NMI: variants seen among roughly 807,000 people sequenced by gnomAD.
NMI encodes the protein N-myc-interactor.
In NMI, 39 loss-of-function variants were observed where a neutral mutation model predicts 34.3. The ratio of observed to expected loss-of-function variants is 1.14; its 90% CI spans 0.88 to 1.49. The LOEUF is 1.49. Ranked by LOEUF, NMI falls within the 40% of genes most tolerant of loss-of-function variation. The probability of loss-of-function intolerance (pLI) is 0.00; values close to 1 mark genes in which losing one functional copy is unlikely to be tolerated. For synonymous variants in NMI, 113 were observed against 120.3 expected, an observed-to-expected ratio of 0.94 and a Z score of 0.40; for missense variants, 339 against 358.1, an observed-to-expected ratio of 0.95 and a Z score of 0.43.
intron 1 of NMI, among the ~76,000 whole-genome samples, chr2:151,287,777 T>G (rs531618745): frequency 6.6e-6 from 1 of 152,308 alleles, no homozygotes; most frequent in East Asian, 1.9e-4. Context: ...CCTGCAGACA[T>G]TCAGAGCACT....
Position 151,270,837 on chromosome 2 carries a change from T to A in NMI, c.780A>T (p.Thr260=), listed in dbSNP as rs750580488. 6.2e-7 allele frequency: 1 copy of A among 1,613,884 alleles called. No individual in the cohort carries two copies. The highest frequency in any genetic ancestry group is 1.1e-5 in the South Asian group (1 of 91,070). The stretch of plus-strand genomic sequence containing the variant: ...CATCCATTTGAATGCCTTCCATTCC[T>A]GTCAGAAGCACTGTCCTCTTAGATG... ...SGTSKRTVLL[T]GMEGIQMDEE... Residue 260 remains threonine, a synonymous_variant, in exon 8 of 8, where the codon ACA becomes ACT. Transcript: ENST00000243346.
At position 151,282,921 on chromosome 2, in the gene NMI, G is replaced by T; in HGVS notation, c.28C>A (p.Gln10Lys). The T allele has an allele frequency of 6.5e-7, 1 of 1,531,900 alleles. No individual in the cohort carries two copies. The highest frequency in any genetic ancestry group is 1.4e-5 in the African/African-American group (1 of 72,568). 94.9% of individuals were successfully genotyped at this position (1,531,900 alleles called of 1,614,324 possible). MEADKDDTQ[Q>K]ILKEHSPDEF... is the part of the protein sequence containing the mutation. ...TCTGGCGAATGCTCCTTAAGAATTT[G>T]TTGTGTGTCATCTTTATCAGCTTCC... is the stretch of plus-strand genomic sequence containing the variant. Residue 10 changes from glutamine (Q) to lysine (K), a missense_variant, in exon 2 of 8, where the codon CAA (glutamine) becomes AAA (lysine). Gln to Lys is a moderately conservative substitution (Grantham distance 53). Transcript: ENST00000243346.
intron 6 of NMI, 84 bp from the exon 7 acceptor site, chr2:151,271,816 A>G (rs942064312): frequency 1.5e-6 from 1 of 683,882 alleles, no homozygotes; most frequent in Non-Finnish European, 2.6e-6. Flanking sequence ...CAAAGAGAAC[A>G]CTATTACAGT....
intron 6 of NMI, among the ~76,000 whole-genome samples, chr2:151,273,090 T>C (rs1317498539): frequency 1.3e-5 from 2 of 149,974 alleles, no homozygotes; most frequent in African/African-American, 2.4e-5. Context: ...TGGTAAATTT[T>C]ATGTTATATA....
At chr2:151,280,095 T>C (rs781688519) in intron 3 of NMI, among the ~76,000 whole-genome samples, 1 of 151,074 alleles carries the variant, frequency 6.6e-6, no homozygotes, top group Non-Finnish European at 1.5e-5. Context: ...TTCAGGAGGC[T>C]GAGGCAGGAG....
In NMI at chr2:151,278,971, T is replaced by C. The variant is rs936420266; in HGVS notation, c.197A>G (p.Glu66Gly). ...KEFQIKEDIP[E>G]TKMKFLSVET... is the part of the protein sequence containing the mutation. ...AACTGATAAGAATTTCATCTTTGTT[T>C]CAGGAATATCCTCTTTAATCTAATC... The change falls in exon 4 of 8, where the codon GAA (glutamate) becomes GGA (glycine). Residue 66 changes from glutamate (E) to glycine (G), a missense_variant. Physicochemically the swap from Glu to Gly is moderately conservative, Grantham distance 98. Transcript: ENST00000243346. 24 of 1,606,354 alleles carry C rather than the reference T, an allele frequency of 1.5e-5. No homozygotes were observed. The highest frequency in any genetic ancestry group is 3.3e-4 in the Middle Eastern group (2 of 6,044).
At chr2:151,272,459 C>G (rs1482937770) in intron 6 of NMI, among the ~76,000 whole-genome samples, 2 of 151,998 alleles carry the variant, frequency 1.3e-5, no homozygotes, top group Non-Finnish European at 2.9e-5. Flanking sequence ...AATTGAAACC[C>G]TGAGGCAATG....
In NMI at chr2:151,270,843, A is replaced by C. The variant is rs1165713584; in HGVS notation, c.774T>G (p.Leu258=). 2 of 1,613,660 alleles carry C rather than the reference A, an allele frequency of 1.2e-6. No homozygotes were observed. Among genetic ancestry groups the C allele is most frequent in the African/African-American group, 2.7e-5 (2 of 74,924 alleles). The change falls in exon 8 of 8, where the codon CTT becomes CTG. Residue 258 remains leucine (L), a synonymous_variant. Coordinates refer to ENST00000243346, the MANE Select transcript of NMI (RefSeq NM_004688.3). ...IFSGTSKRTV[L]LTGMEGIQMD... ...TTTGAATGCCTTCCATTCCTGTCAG[A>C]AGCACTGTCCTCTTAGATGTTCCTG...
intron 4 of NMI, chr2:151,277,244 T>C (rs1683307589): frequency 6.6e-6 from 1 of 152,276 alleles, no homozygotes; most frequent in South Asian, 2.1e-4. Context: ...ATGATGGTTT[T>C]TTGTTTTTTT....
At chr2:151,273,272 G>A (rs886755530) in intron 6 of NMI, among the ~76,000 whole-genome samples, 4 of 152,144 alleles carry the variant, frequency 2.6e-5, no homozygotes, top group African/African-American at 9.7e-5. Flanking sequence ...TACCTACCCT[G>A]TAGATTATTG....
intron 1 of NMI, among the ~76,000 whole-genome samples, chr2:151,287,004 A>G (rs540100853): frequency 6.6e-6 from 1 of 152,234 alleles, no homozygotes; most frequent in Admixed American, 6.5e-5. Flanking sequence ...TACACTATCC[A>G]AGACACTATC....
At chr2:151,280,568 T>C (rs1683379357) in intron 3 of NMI, among the ~76,000 whole-genome samples, 1 of 152,182 alleles carries the variant, frequency 6.6e-6, no homozygotes, top group Admixed American at 6.5e-5. Flanking sequence ...GTGAGAAAGC[T>C]TGATTCTATT....
chr2:151,287,281 G>GTA (rs200069642), intron 1 of NMI, among the ~76,000 whole-genome samples: 5,747 of 149,534 alleles, frequency 0.038, 149 homozygotes, highest in Non-Finnish European at 0.054. Context: ...ATATATATAA[G>GTA]TATATATATA....
rs764600424 is a variant in NMI, at chr2:151,282,967, AAAAT to A, written c.-6-17_-6-14del. On this transcript the variant is annotated splice_polypyrimidine_tract_variant and intron_variant, in intron 1 of 7. Transcript: ENST00000243346. ...CTTCCATGATCCCCTAATATTATAA[AAAAT>A]AAATATTATAAGCATAGCATATATA... The A allele has an allele frequency of 1.5e-6, 2 of 1,346,388 alleles. No homozygotes were observed. The highest frequency in any genetic ancestry group is 5.0e-5 in the Admixed American group (2 of 39,870). The allele number at this position is 1,346,388 out of a possible 1,614,324, so 83.4% of individuals were successfully genotyped here.
rs150664393 is a variant in NMI, at chr2:151,270,705, G to A, written c.912C>T (p.Tyr304=). The A allele has an allele frequency of 5.6e-6, 9 of 1,612,666 alleles. No homozygotes were observed. Among genetic ancestry groups the A allele is most frequent in the Non-Finnish European group, 7.6e-6 (9 of 1,179,120 alleles). ...GATTCTGTTAAGTCTATTCTTCAAA[G>A]TATGCTATGTGAGGTTGACCTAGAG... The part of the protein sequence containing the change: ...KCSLGQPHIA[Y]FEE Residue 304 remains tyrosine (Y), a synonymous_variant, in exon 8 of 8, where the codon TAC becomes TAT. Transcript: ENST00000243346.
chr2:151,282,987 A>C (rs773224910), intron 1 of NMI, 33 bp from the exon 2 acceptor site: 31 of 1,056,678 alleles, frequency 2.9e-5, no homozygotes, highest in Middle Eastern at 3.0e-4. Context: ...TTATAAGCAT[A>C]GCATATATAC....
intron 6 of NMI, among the ~76,000 whole-genome samples, chr2:151,273,002 G>GA (rs75847633): frequency 0.42 from 63,697 of 151,834 alleles, 14,111 homozygotes; most frequent in Admixed American, 0.54. Flanking sequence ...AAGTTCTAGA[G>GA]ATGGATAGTG....
intron 6 of NMI, among the ~76,000 whole-genome samples, chr2:151,272,050 A>G (rs1013386586): frequency 3.9e-5 from 6 of 152,236 alleles, no homozygotes; most frequent in African/African-American, 1.4e-4. Context: ...TGCAGAAAGT[A>G]ACCCACTCAT....
chr2:151,282,074 T>A, intron 2 of NMI, 31 bp from the exon 3 acceptor site: 2 of 972,472 alleles, frequency 2.1e-6, no homozygotes, highest in South Asian at 1.4e-5. Context: ...CCAAAGAAAG[T>A]AAATAGCCCC....
Sources: allele counts gnomAD v4.1 joint callset (sites outside exome capture counted in the v4.1 genomes callset), GRCh38; gene constraint gnomAD v4.1.1; transcripts MANE v1.5; gene names NCBI Gene and HGNC (gene_info 2026-07-23, HGNC 2026-07-21).